COL19A1: variants seen among roughly 807,000 people sequenced by gnomAD.
COL19A1 encodes the protein collagen type XIX alpha 1 chain, also known as collagen alpha-1(XIX) chain.
In COL19A1, 159 loss-of-function variants were observed where a neutral mutation model predicts 190.2. That is an observed-to-expected ratio of 0.84 (90% confidence interval 0.73 to 0.95). The LOEUF (loss-of-function observed/expected upper bound fraction) is 0.95. Among genes scored for constraint, COL19A1 ranks in the 40% least tolerant of loss-of-function variants. COL19A1 has a pLI of 0.00. For missense variants in COL19A1, 1,418 were observed against 1,431.9 expected, an observed-to-expected ratio of 0.99 and a Z score of 0.16; for synonymous variants, 509 against 458.9, an observed-to-expected ratio of 1.11 and a Z score of -1.39.
chr6:70,187,143 G>A lies in COL19A1; in HGVS notation c.2857-932G>A, dbSNP rs560452192. Among the ~76,000 whole-genome samples, 5 of 152,234 alleles carry A rather than the reference G, an allele frequency of 3.3e-5. No individual in the cohort carries two copies. The East Asian group carries it at 9.7e-4, about 29-fold the overall frequency. Reference sequence around the variant, plus strand: ...GATCTGCCCACCTCGGCCTCCCAAAGTGCTGTGATTACAGGCGTGAGCCAC... The same window carrying A: ...GATCTGCCCACCTCGGCCTCCCAAAATGCTGTGATTACAGGCGTGAGCCAC... On this transcript the variant is annotated intron_variant, in intron 46 of 50. Coordinates refer to ENST00000620364, the MANE Select transcript of COL19A1 (RefSeq NM_001858.6).
intron 11 of COL19A1, among the ~76,000 whole-genome samples, chr6:70,017,328 G>A (rs1778169373): frequency 6.6e-6 from 1 of 152,122 alleles, no homozygotes; most frequent in African/African-American, 2.4e-5. Flanking sequence ...GACTACAAGA[G>A]TGAGAAGCAG....
intron 11 of COL19A1, among the ~76,000 whole-genome samples, chr6:69,976,193 A>C (rs551174641): frequency 3.3e-5 from 5 of 152,208 alleles, no homozygotes; most frequent in Non-Finnish European, 7.3e-5. Context: ...GCTAATTTCC[A>C]TGAGCTCTTA....
At chr6:70,062,528 G>A (rs149408683) in intron 14 of COL19A1, among the ~76,000 whole-genome samples, 130 of 152,214 alleles carry the variant, frequency 8.5e-4, no homozygotes, top group African/African-American at 3.0e-3. Context: ...GCAAAAACAT[G>A]CCAAATTGTA....
chr6:70,184,835 C>T, intron 45 of COL19A1, 36 bp from the exon 46 acceptor site: 1 of 1,610,818 alleles, frequency 6.2e-7, no homozygotes, highest in South Asian at 1.1e-5. Flanking sequence ...AAAATCTTGG[C>T]AAGGAGTGAT....
intron 14 of COL19A1, among the ~76,000 whole-genome samples, chr6:70,045,312 CAAAA>C (rs34047162): frequency 1.5e-5 from 1 of 68,952 alleles, no homozygotes; most frequent in Non-Finnish European, 3.1e-5. Context: ...GACTCTGTCT[CAAAA>C]AAAAAAAAAA....
At chr6:69,942,640 G>A (rs1424041720) in intron 9 of COL19A1, among the ~76,000 whole-genome samples, 2 of 151,442 alleles carry the variant, frequency 1.3e-5, no homozygotes, top group Non-Finnish European at 1.5e-5. Flanking sequence ...TCTGTGCCTG[G>A]CTTATTTCAC....
chr6:69,998,585 C>A (rs1777063920), intron 11 of COL19A1, among the ~76,000 whole-genome samples: 2 of 143,628 alleles, frequency 1.4e-5, no homozygotes, highest in Admixed American at 7.3e-5. Context: ...GTGGACGTTG[C>A]AGTAAGCCGA....
Position 70,120,087 on chromosome 6 carries a change from T to C in COL19A1, c.1279-1793T>C, listed in dbSNP as rs1784801054. 4.6e-5 allele frequency among the ~76,000 whole-genome samples: 7 copies of C among 152,290 alleles called. No individual in the cohort carries two copies. In the South Asian group the frequency reaches 1.5e-3, roughly 32 times the overall value. On this transcript the variant is annotated intron_variant, in intron 16 of 50. Transcript: ENST00000620364. ...GCCTGGGTGACAGAGTGAGACTCTG[T>C]CTCAAAAAACAACAACAAAAAGAGT...
At chr6:70,021,691 A>G (rs1465159135) in intron 11 of COL19A1, among the ~76,000 whole-genome samples, 1 of 152,198 alleles carries the variant, frequency 6.6e-6, no homozygotes, top group East Asian at 1.9e-4. Context: ...ATTTATCGTG[A>G]TGATGGAAAT....
chr6:70,209,452 TA>T lies in COL19A1; in HGVS notation c.*2183del, dbSNP rs983196713. On this transcript the variant is annotated 3_prime_UTR_variant, in exon 51 of 51. Coordinates refer to ENST00000620364, the MANE Select transcript of COL19A1 (RefSeq NM_001858.6). The stretch of plus-strand genomic sequence containing the variant: ...TTTTGAGTTGTTCTTGTCATAGACA[TA>T]AAAAGACAATTCATTTTCTTGTTTT... 3.9e-5 allele frequency: 6 copies of T among 152,172 alleles called. No homozygotes were observed. The highest frequency in any genetic ancestry group is 8.8e-5 in the Non-Finnish European group (6 of 68,018). The allele number at this position is 152,172 out of a possible 1,614,324, so 9.4% of individuals were successfully genotyped here. A position where few individuals can be genotyped will look rare whatever the true frequency, so the allele number is the denominator to read the frequency against.
chr6:70,102,187 G>C lies in COL19A1; in HGVS notation c.1243G>C (p.Gly415Arg). 6.2e-7 allele frequency: 1 copy of C among 1,612,662 alleles called. No homozygotes were observed. The highest frequency in any genetic ancestry group is 8.5e-7 in the Non-Finnish European group (1 of 1,178,798). ...TTTCAAGGGAAGACGAGGGAAAACA[G>C]GACCTCCCGGAAAACCAGGACCCCC... ...EGQRGRRGKT[G>R]PPGKPGPPGP... Residue 415 changes from glycine (G) to arginine (R), a missense_variant, in exon 16 of 51, where the codon GGA becomes CGA. Transcript: ENST00000620364.
chr6:70,071,416 G>C (rs1254233509), intron 15 of COL19A1, among the ~76,000 whole-genome samples: 2 of 151,944 alleles, frequency 1.3e-5, no homozygotes, highest in Non-Finnish European at 2.9e-5. Flanking sequence ...TTTATAAAGT[G>C]TTCATTTAAT....
chr6:69,871,635 C>T (rs1767829484), intron 1 of COL19A1, among the ~76,000 whole-genome samples: 1 of 151,924 alleles, frequency 6.6e-6, no homozygotes, highest in South Asian at 2.1e-4. Flanking sequence ...TTGGTGTTGG[C>T]TTTAACACTC....
chr6:70,096,717 A>G (rs916084158), intron 15 of COL19A1, among the ~76,000 whole-genome samples: 2 of 152,182 alleles, frequency 1.3e-5, no homozygotes, highest in African/African-American at 2.4e-5. Flanking sequence ...AAGGTGCTCT[A>G]CAGGATTGCC....
rs1439131835 is a variant in COL19A1, at chr6:69,932,772, T to C, written c.667-11T>C. 6.4e-7 allele frequency: 1 copy of C among 1,552,344 alleles called. No individual in the cohort carries two copies. The highest frequency in any genetic ancestry group is 8.8e-7 in the Non-Finnish European group (1 of 1,133,390). On this transcript the variant is annotated splice_polypyrimidine_tract_variant and intron_variant, in intron 6 of 50. Transcript: ENST00000620364. ...AACTAAAGATGTTTCTTATTACTAA[T>C]TTTTTCATAGATTGAACTTCACCAA... is the stretch of plus-strand genomic sequence containing the variant.
At chr6:69,993,544 C>T (rs547818085) in intron 11 of COL19A1, among the ~76,000 whole-genome samples, 7 of 151,678 alleles carry the variant, frequency 4.6e-5, no homozygotes, top group Non-Finnish European at 8.8e-5. Context: ...ACCAACTCTT[C>T]TTTATTTGTC....
chr6:69,937,690 A>C (rs899881961), intron 8 of COL19A1, among the ~76,000 whole-genome samples: 1 of 152,122 alleles, frequency 6.6e-6, no homozygotes, highest in African/African-American at 2.4e-5. Flanking sequence ...GATGGGGTGA[A>C]AGTTTAAGGG....
chr6:69,904,961 G>A (rs894758255), intron 4 of COL19A1, among the ~76,000 whole-genome samples: 20 of 152,026 alleles, frequency 1.3e-4, no homozygotes, highest in Non-Finnish European at 2.5e-4. Flanking sequence ...GTTCCTTCTC[G>A]GTGCTGCGTG....
intron 15 of COL19A1, among the ~76,000 whole-genome samples, chr6:70,084,114 T>C (rs1183882061): frequency 6.6e-6 from 1 of 152,164 alleles, no homozygotes; most frequent in Non-Finnish European, 1.5e-5. Flanking sequence ...TGACCACTTA[T>C]AGCTAAAACA....
Sources: gnomAD v4.1 joint callset for allele counts (sites outside exome capture counted in the v4.1 genomes callset) on GRCh38, gnomAD v4.1.1 for gene constraint, MANE v1.5 for transcripts, NCBI Gene and HGNC (gene_info 2026-07-23, HGNC 2026-07-21) for gene names.